Variants in NLK observed in about 807,000 individuals in gnomAD.
NLK encodes nemo like kinase.
In NLK, 11 loss-of-function variants were observed where a neutral mutation model predicts 59.0. The ratio of observed to expected loss-of-function variants is 0.19; its 90% confidence interval spans 0.12 to 0.31. The LOEUF (loss-of-function observed/expected upper bound fraction) is 0.31, where lower values mean the gene tolerates loss of function less well. Among genes scored for constraint, NLK ranks in the 10% least tolerant of loss-of-function variants. The pLI is 1.00. For synonymous variants in NLK, 235 were observed against 235.9 expected, an observed-to-expected ratio of 1.00 and a Z score of 0.03; for missense variants, 410 against 661.1, an observed-to-expected ratio of 0.62 and a Z score of 4.16.
intron 1 of NLK, among the ~76,000 whole-genome samples, chr17:28,110,382 T>G (rs927916225): frequency 6.6e-6 from 1 of 152,080 alleles, no homozygotes; most frequent in Non-Finnish European, 1.5e-5. Flanking sequence ...CATATTGTTG[T>G]TTTTCTCTTG....
At chr17:28,097,722 G>C (rs1904752747) in intron 1 of NLK, among the ~76,000 whole-genome samples, 1 of 152,084 alleles carries the variant, frequency 6.6e-6, no homozygotes, top group Non-Finnish European at 1.5e-5. Context: ...TATAATGACA[G>C]ATACTTGTAC....
At chr17:28,088,947 A>G (rs191961734) in intron 1 of NLK, among the ~76,000 whole-genome samples, 12 of 152,166 alleles carry the variant, frequency 7.9e-5, no homozygotes, top group Admixed American at 2.0e-4. Context: ...CCTTTTTCCC[A>G]TACAAAGTAT....
At chr17:28,201,263 A>C (rs181795074), downstream of NLK, among the ~76,000 whole-genome samples, 42 of 151,810 alleles carry the variant, frequency 2.8e-4, no homozygotes, top group South Asian at 1.0e-3. Flanking sequence ...GTATTTTTTT[A>C]GTAGAGATGA....
chr17:28,168,789 A>G (rs956489630), intron 6 of NLK, 132 bp downstream of exon 6: 3 of 655,974 alleles, frequency 4.6e-6, no homozygotes, highest in Admixed American at 2.9e-5. Flanking sequence ...TTCACTTAAA[A>G]TTCAGAAAGT....
chr17:28,043,037 C>A lies in NLK; in HGVS notation c.164C>A (p.Pro55Gln). Reference protein sequence around the residue: ...HHHHPQHHLHPGSAAAVHPVQ... With the variant: ...HHHHPQHHLHQGSAAAVHPVQ... ...CACCACCCTCAACACCATCTTCATCCGGGGTCGGCTGCCGCTGTACACCCT... is the reference window on the plus strand; with the variant it reads ...CACCACCCTCAACACCATCTTCATCAGGGGTCGGCTGCCGCTGTACACCCT... Residue 55 changes from proline to glutamine, a missense_variant, in exon 1 of 11, where the codon CCG (proline) becomes CAG (glutamine). This residue lies in a region of NLK where 160 missense variants were observed against 171.0 expected (regional missense o/e 0.94). Coordinates refer to ENST00000407008, the MANE Select transcript of NLK (RefSeq NM_016231.5). 6.4e-7 allele frequency: 1 copy of A among 1,557,166 alleles called. No individual in the cohort carries two copies. Among genetic ancestry groups the A allele is most frequent in the African/African-American group, 1.4e-5 (1 of 73,362 alleles).
intron 1 of NLK, among the ~76,000 whole-genome samples, chr17:28,107,607 G>A (rs185505482): frequency 4.1e-4 from 62 of 152,126 alleles, no homozygotes; most frequent in Middle Eastern, 3.4e-3. Context: ...TAAGAATAAT[G>A]TAAATAGAAC....
Position 28,082,332 on chromosome 17 carries a change from CATT to C in NLK, c.458+39006_458+39008del, listed in dbSNP as rs35492593. 6.5e-3 allele frequency among the ~76,000 whole-genome samples: 993 copies of C among 152,266 alleles called. 16 individuals carry two copies. The highest frequency in any genetic ancestry group is 0.022 in the African/African-American group (927 of 41,562). On this transcript the variant is annotated intron_variant, in intron 1 of 10. Transcript: ENST00000407008. The stretch of plus-strand genomic sequence containing the variant: ...TCTGGGTAATCTTGTGTTTCAAAAA[CATT>C]ATTAGCTGTTAAAAGGGGGGAAAAG...
intron 2 of NLK, among the ~76,000 whole-genome samples, chr17:28,127,943 A>C (rs1248161708): frequency 1.3e-5 from 2 of 152,186 alleles, no homozygotes; most frequent in African/African-American, 4.8e-5. Context: ...AACAGAATAG[A>C]AAGTTTGTAA....
At position 28,042,731 on chromosome 17, in the gene NLK, A is replaced by G; in HGVS notation, c.-143A>G. The G allele has an allele frequency of 1.4e-6, 1 of 722,442 alleles. No individual in the cohort carries two copies. Among genetic ancestry groups the G allele is most frequent in the Non-Finnish European group, 2.1e-6 (1 of 469,096 alleles). 44.8% of individuals were successfully genotyped at this position (722,442 alleles called of 1,614,324 possible). ...GCTCACCCCAAAATTAAACACCAAG[A>G]TCCTCTAACTTGTTTGGATTGACTG... is the stretch of plus-strand genomic sequence containing the variant. On this transcript the variant is annotated 5_prime_UTR_variant, in exon 1 of 11. Transcript: ENST00000407008.
In NLK at chr17:28,113,053, G is replaced by T. The variant is rs934702470; in HGVS notation, c.459-9550G>T. ...ATGGAAAGACTCATCCTTTTAAAAA[G>T]TTACTCATCCTTTTAAAAATTATAC... On this transcript the variant is annotated intron_variant, in intron 1 of 10. Transcript: ENST00000407008. Among the ~76,000 whole-genome samples, 3 of 152,234 alleles carry T rather than the reference G, an allele frequency of 2.0e-5. No individual in the cohort carries two copies. The East Asian group carries it at 5.8e-4, about 29-fold the overall frequency.
intron 1 of NLK, among the ~76,000 whole-genome samples, chr17:28,097,519 T>G (rs1409165110): frequency 6.6e-6 from 1 of 152,194 alleles, no homozygotes; most frequent in Non-Finnish European, 1.5e-5. Flanking sequence ...CCAAGTTGTA[T>G]TTCAGTTTTA....
intron 6 of NLK, among the ~76,000 whole-genome samples, chr17:28,170,411 A>G (rs1227101974): frequency 6.6e-6 from 1 of 151,716 alleles, no homozygotes; most frequent in Admixed American, 6.5e-5. Context: ...TTTTTCTACA[A>G]AGAATTTTTA....
At chr17:28,143,185 A>G (rs1034665871) in intron 3 of NLK, among the ~76,000 whole-genome samples, 1 of 151,966 alleles carries the variant, frequency 6.6e-6, no homozygotes, top group African/African-American at 2.4e-5. Flanking sequence ...CTGGGACTAC[A>G]GGCACATGCC....
At chr17:28,071,597 G>A (rs1462935885) in intron 1 of NLK, among the ~76,000 whole-genome samples, 4 of 152,086 alleles carry the variant, frequency 2.6e-5, no homozygotes, top group African/African-American at 9.7e-5. Flanking sequence ...ATTGGAAATG[G>A]TATTTTTATT....
intron 7 of NLK, among the ~76,000 whole-genome samples, chr17:28,181,275 T>C (rs1416432201): frequency 1.3e-5 from 2 of 152,014 alleles, no homozygotes; most frequent in African/African-American, 4.8e-5. Context: ...GGCAGGTGCC[T>C]GTAATCCCAG....
chr17:28,190,458 G>C (rs1909265575), intron 8 of NLK, among the ~76,000 whole-genome samples: 1 of 152,034 alleles, frequency 6.6e-6, no homozygotes, highest in Non-Finnish European at 1.5e-5. Context: ...TAAAGTGCCA[G>C]AAAACAAAAA....
chr17:28,135,329 G>C (rs1334032657), intron 3 of NLK, among the ~76,000 whole-genome samples: 1 of 152,120 alleles, frequency 6.6e-6, no homozygotes, highest in African/African-American at 2.4e-5. Context: ...TTTTATTGTG[G>C]GTCAGTCACA....
intron 1 of NLK, among the ~76,000 whole-genome samples, chr17:28,079,964 G>A (rs537501401): frequency 2.1e-4 from 32 of 152,130 alleles, no homozygotes; most frequent in African/African-American, 6.5e-4. Context: ...TGTTTAGATC[G>A]TTAATCCATT....
intron 1 of NLK, among the ~76,000 whole-genome samples, chr17:28,118,510 T>C (rs561797358): frequency 6.6e-6 from 1 of 152,362 alleles, no homozygotes; most frequent in Non-Finnish European, 1.5e-5. Flanking sequence ...TAAAGATGTT[T>C]TAAGTGACAT....
Sources: allele counts gnomAD v4.1 joint callset (sites outside exome capture counted in the v4.1 genomes callset), GRCh38; gene constraint gnomAD v4.1.1; regional missense constraint gnomAD v4.1.1; transcripts MANE v1.5; gene names NCBI Gene and HGNC (gene_info 2026-07-23, HGNC 2026-07-21).